The following EP400 variants were observed in gnomAD, a reference collection of about 807,000 sequenced individuals.
EP400 encodes E1A-binding protein p400.
Under a neutral mutation model 354.1 loss-of-function variants are expected in EP400, and 105 were observed. The ratio of observed to expected loss-of-function variants is 0.30; its 90% CI spans 0.25 to 0.35. The LOEUF (loss-of-function observed/expected upper bound fraction) is 0.35, where lower values mean the gene tolerates loss of function less well. EP400 is among the 10% of genes least tolerant of loss of function. EP400 has a pLI of 1.00. For missense variants in EP400, 3,280 were observed against 4,121.0 expected (o/e 0.80, Z 5.59); for synonymous variants, 1,646 against 1,716.9 (o/e 0.96, Z 1.02).
intron 2 of EP400, among the ~76,000 whole-genome samples, chr12:131,976,034 C>G (rs994596694): frequency 6.6e-6 from 1 of 152,158 alleles, no homozygotes. Flanking sequence ...GATGTTACGC[C>G]TATCCAATGA....
At chr12:131,959,271 T>C (rs561008993) in intron 1 of EP400, among the ~76,000 whole-genome samples, 4 of 152,332 alleles carry the variant, frequency 2.6e-5, no homozygotes, top group African/African-American at 9.6e-5. Context: ...CAACCTCTCC[T>C]CTTGGAACGC....
rs1895735806 is a variant in EP400 at position 132,062,553 on chromosome 12, AG to A, written c.8187del (p.Gln2729HisfsTer48). The A allele has an allele frequency of 2.4e-5, 38 of 1,552,176 alleles. No homozygotes were observed. Among genetic ancestry groups the A allele is most frequent in the African/African-American group, 2.2e-4 (16 of 71,240 alleles). On this transcript the variant is annotated frameshift_variant, in exon 47 of 53. Transcript: ENST00000389561. LOFTEE classifies it high-confidence loss of function. ...RQQQQQQQQQ[Q>X]QQQQQQQQQQ... ...CAGCAGCAGCAGCAGCAACAACAGC[AG>A]CAGCAGCAGCAGCAGCAGCAGCAGC...
At chr12:132,037,181 C>G (rs75654471) in intron 30 of EP400, among the ~76,000 whole-genome samples, 29 of 152,292 alleles carry the variant, frequency 1.9e-4, no homozygotes, top group Non-Finnish European at 3.7e-4. Context: ...GGGGTGACAT[C>G]TGCAGCTCAC....
At chr12:131,999,531 T>C (rs1593337010) in intron 12 of EP400, among the ~76,000 whole-genome samples, 1 of 152,032 alleles carries the variant, frequency 6.6e-6, no homozygotes, top group African/African-American at 2.4e-5. Context: ...CTCCGCCTCC[T>C]GGGTTCAAGC....
At chr12:132,044,002 C>T (rs367609296) in intron 34 of EP400, among the ~76,000 whole-genome samples, 175 bp from the exon 35 acceptor site, 5 of 152,204 alleles carry the variant, frequency 3.3e-5, no homozygotes, top group South Asian at 2.1e-4. Flanking sequence ...GTTCTGCCCT[C>T]GATGTCTTTG....
chr12:131,971,185 T>C (rs1892276984), intron 2 of EP400, among the ~76,000 whole-genome samples: 1 of 152,126 alleles, frequency 6.6e-6, no homozygotes, highest in Non-Finnish European at 1.5e-5. Context: ...GGCTGGGCTG[T>C]AGAGCAATAC....
At position 132,070,873 on chromosome 12, in the gene EP400, A is replaced by T. The variant is rs533691175; in HGVS notation, c.9021+1232A>T. On this transcript the variant is annotated intron_variant, in intron 51 of 52. Transcript: ENST00000389561. This position sits in a 1 kb window ranked among gnomAD's most constrained non-coding sequence, Gnocchi z 4.1. ...CATTTTCTGTCTCTGGCTGTTGTAC[A>T]TTTTTGTACATTAGTTTTTTATTCT... Among the ~76,000 whole-genome samples, 10 of 152,142 alleles carry T rather than the reference A, an allele frequency of 6.6e-5. No homozygotes were observed. Among genetic ancestry groups the T allele is most frequent in the African/African-American group, 2.4e-4 (10 of 41,494 alleles).
intron 13 of EP400, 117 bp downstream of exon 13, chr12:132,005,301 A>C (rs1893544804): frequency 1.5e-6 from 1 of 650,796 alleles, no homozygotes; most frequent in Non-Finnish European, 2.4e-6. Flanking sequence ...AAAATTAGAA[A>C]TATTTAATAA....
chr12:132,075,422 G>A lies in EP400; in HGVS notation c.9022-1094G>A, dbSNP rs1012352532. On this transcript the variant is annotated intron_variant, in intron 51 of 52. Coordinates refer to ENST00000389561, the MANE Select transcript of EP400 (RefSeq NM_015409.5). The surrounding 1 kb of genome is among the most constrained non-coding windows in gnomAD (Gnocchi z 4.5). ...TTCCTGACTCTTTGCAGGTTTCTTG[G>A]TACATTTAAGATTTCTTGCTAGTGC... is the stretch of plus-strand genomic sequence containing the variant. Among the ~76,000 whole-genome samples, 1 of 152,144 alleles carries A rather than the reference G, an allele frequency of 6.6e-6. No homozygotes were observed. Among genetic ancestry groups the A allele is most frequent in the Non-Finnish European group, 1.5e-5 (1 of 68,036 alleles).
intron 45 of EP400, among the ~76,000 whole-genome samples, chr12:132,061,571 G>A (rs1895695888): frequency 6.6e-6 from 1 of 152,230 alleles, no homozygotes; most frequent in Non-Finnish European, 1.5e-5. Context: ...GATAGGGTGA[G>A]GGGACCACTC....
At chr12:131,981,418 CAT>C (rs562171684) in intron 3 of EP400, 69 bp from the exon 4 acceptor site, 292 of 1,235,072 alleles carry the variant, frequency 2.4e-4, no homozygotes, top group Admixed American at 2.2e-3. Flanking sequence ...TAAAAACACA[CAT>C]GTTTTTTTCT....
At chr12:132,076,173 T>C in intron 51 of EP400, 1 of 393,566 alleles carries the variant, frequency 2.5e-6, no homozygotes, top group Non-Finnish European at 4.9e-6. Flanking sequence ...GCAGAGCCCT[T>C]GGGACTCACA....
At position 132,050,754 on chromosome 12, in the gene EP400, G is replaced by T. The variant is rs567122090; in HGVS notation, c.7394+99G>T. 8.3e-6 allele frequency: 12 copies of T among 1,448,388 alleles called. No individual in the cohort carries two copies. The highest frequency in any genetic ancestry group is 5.0e-5 in the Admixed American group (3 of 59,518). 89.7% of individuals were successfully genotyped at this position (1,448,388 alleles called of 1,614,324 possible). A position where few individuals can be genotyped will look rare whatever the true frequency, so the allele number is the denominator to read the frequency against. Reference sequence around the variant, plus strand: ...TTCAGCAAATCGTTGTGCACTTAGCGTGTTCAGGCATCAGCTGGACGTGGC... The same window carrying T: ...TTCAGCAAATCGTTGTGCACTTAGCTTGTTCAGGCATCAGCTGGACGTGGC... On this transcript the variant is annotated intron_variant, in intron 41 of 52. Coordinates refer to ENST00000389561, the MANE Select transcript of EP400 (RefSeq NM_015409.5). This position sits in a 1 kb window ranked among gnomAD's most constrained non-coding sequence, Gnocchi z 4.8.
chr12:132,033,780 C>A (rs567056813), intron 30 of EP400, among the ~76,000 whole-genome samples: 1 of 152,316 alleles, frequency 6.6e-6, no homozygotes, highest in African/African-American at 2.4e-5. Context: ...AGTCAGCCCG[C>A]CTCAGCCTCC....
chr12:131,969,558 G>T (rs752450089), intron 2 of EP400, among the ~76,000 whole-genome samples: 28 of 152,178 alleles, frequency 1.8e-4, no homozygotes, highest in African/African-American at 6.7e-4. Context: ...GTATACTTCC[G>T]ACATACCTCT....
chr12:131,982,017 G>A (rs1176348202), intron 4 of EP400, 76 bp from the exon 5 acceptor site: 11 of 1,484,288 alleles, frequency 7.4e-6, no homozygotes, highest in Admixed American at 2.3e-5. Context: ...GGTGTTAGAC[G>A]TGTCTCCTTG....
Position 132,077,922 on chromosome 12 carries a change from A to C in EP400, c.*249A>C. ...GTGACAACATGGCTTCCTCTAAATC[A>C]TTTCACCTTTCAGTCCCCACCCGCA... On this transcript the variant is annotated 3_prime_UTR_variant, in exon 53 of 53. Coordinates refer to ENST00000389561, the MANE Select transcript of EP400 (RefSeq NM_015409.5). The C allele has an allele frequency of 1.9e-6, 1 of 527,148 alleles. No homozygotes were observed. The highest frequency in any genetic ancestry group is 2.6e-5 in the South Asian group (1 of 37,790). The allele number at this position is 527,148 out of a possible 1,614,324, so 32.7% of individuals were successfully genotyped here.
chr12:131,981,672 C>A, intron 4 of EP400, 76 bp downstream of exon 4: 5 of 1,305,036 alleles, frequency 3.8e-6, no homozygotes, highest in Non-Finnish European at 5.4e-6. Flanking sequence ...CAGCACCAGA[C>A]TCAGACTTGG....
chr12:131,955,509 G>A (rs944577758), intron 1 of EP400, among the ~76,000 whole-genome samples: 3 of 151,930 alleles, frequency 2.0e-5, no homozygotes, highest in Non-Finnish European at 2.9e-5. Flanking sequence ...CTTGAACTCC[G>A]GACCTCAGGT....
Sources: allele counts gnomAD v4.1 joint callset (sites outside exome capture counted in the v4.1 genomes callset), GRCh38; gene constraint gnomAD v4.1.1; non-coding constraint Gnocchi (gnomAD v3.1); transcripts MANE v1.5; gene names NCBI Gene and HGNC (gene_info 2026-07-23, HGNC 2026-07-21).